Variants in LIG3 observed in about 807,000 individuals in gnomAD.
LIG3 encodes the protein ligase II, DNA, ATP-dependent.
LIG3 carries 58 observed loss-of-function variants against 110.9 expected under a neutral mutation model. The ratio of observed to expected loss-of-function variants is 0.52; its 90% CI spans 0.42 to 0.65. LIG3 has a LOEUF of 0.65. Ranked by LOEUF, LIG3 falls within the 30% of genes least tolerant of loss-of-function variation. LIG3 has a pLI of 0.00. For synonymous variants in LIG3, 422 were observed against 472.8 expected (o/e 0.89, Z 1.39); for missense variants, 1,094 against 1,273.8 (o/e 0.86, Z 2.15).
chr17:34,996,027 A>ATG, intron 9 of LIG3, 37 bp from the exon 10 acceptor site: 1 of 1,599,642 alleles, frequency 6.3e-7, no homozygotes, highest in Non-Finnish European at 8.5e-7. Context: ...CCCTGCTGCC[A>ATG]TGTCATCCCT....
Position 34,992,533 on chromosome 17 carries a change from C to G in LIG3, c.1296C>G (p.Ala432=), listed in dbSNP as rs745351898. ...MNSGAKHVLD[A]LDPNAYEAFK... is the part of the protein sequence containing the mutation. ...CTGTACCCCTTGGCAGGTTAGACGC[C>G]CTTGACCCCAATGCCTATGAAGCCT... Residue 432 remains alanine, a synonymous_variant, in exon 8 of 20, where the codon GCC becomes GCG. Coordinates refer to ENST00000378526, the MANE Select transcript of LIG3 (RefSeq NM_013975.4). 5 of 1,597,750 alleles carry G rather than the reference C, an allele frequency of 3.1e-6. No individual in the cohort carries two copies. In the South Asian group the frequency reaches 5.6e-5, roughly 18 times the overall value.
At chr17:34,983,586 G>A (rs2090627587) in intron 2 of LIG3, 34 bp downstream of exon 2, 1 of 1,566,690 alleles carries the variant, frequency 6.4e-7, no homozygotes, top group Non-Finnish European at 8.7e-7. Flanking sequence ...TCATCTTACT[G>A]GTGCTGAGAG....
At chr17:34,983,671 C>G (rs1420892241) in intron 2 of LIG3, 119 bp downstream of exon 2, 2 of 995,108 alleles carry the variant, frequency 2.0e-6, no homozygotes, top group African/African-American at 3.3e-5. Context: ...GGGTCTCACT[C>G]TGTTGCCTAG....
At chr17:34,983,702 T>C (rs372265675) in intron 2 of LIG3, 150 bp downstream of exon 2, 2 of 815,716 alleles carry the variant, frequency 2.5e-6, no homozygotes, top group African/African-American at 3.5e-5. Context: ...AATGTTGCAT[T>C]CGTAGCTCAC....
chr17:34,998,240 A>G lies in LIG3; in HGVS notation c.1933A>G (p.Met645Val), dbSNP rs1465441935. The G allele has an allele frequency of 1.2e-6, 2 of 1,613,412 alleles. No individual in the cohort carries two copies. The highest frequency in any genetic ancestry group is 2.2e-5 in the East Asian group (1 of 44,892). The change falls in exon 13 of 20, where the codon ATG (methionine) becomes GTG (valine). Residue 645 changes from methionine to valine, a missense_variant. Physicochemically the swap from Met to Val is conservative, Grantham distance 21. Transcript: ENST00000378526. ...RVTKALDLAD[M>V]ITRVIQEGLE... is the part of the protein sequence containing the mutation. ...TCAGAAAGCTTTGGACTTGGCTGAC[A>G]TGATAACCCGGGTGATCCAGGAGGG...
chr17:34,997,748 G>C lies in LIG3; in HGVS notation c.1834G>C (p.Glu612Gln). The C allele has an allele frequency of 6.2e-7, 1 of 1,613,926 alleles. No individual in the cohort carries two copies. The highest frequency in any genetic ancestry group is 8.5e-7 in the Non-Finnish European group (1 of 1,179,806). The change falls in exon 12 of 20, where the codon GAG becomes CAG. Residue 612 changes from glutamate (E) to glutamine (Q), a missense_variant. Physicochemically the swap from Glu to Gln is conservative, Grantham distance 29. Coordinates refer to ENST00000378526, the MANE Select transcript of LIG3 (RefSeq NM_013975.4). ...DVSLMDRPLC[E>Q]RRKFLHDNMV... ...TCCTGTTCTCCTCAGACCTCTGTGTGAGCGGCGGAAGTTTCTTCATGACAA... is the reference window on the plus strand; with the variant it reads ...TCCTGTTCTCCTCAGACCTCTGTGTCAGCGGCGGAAGTTTCTTCATGACAA...
At chr17:34,982,976 T>TC in intron 1 of LIG3, 26 bp from the exon 2 acceptor site, 1 of 1,489,172 alleles carries the variant, frequency 6.7e-7, no homozygotes, top group South Asian at 1.5e-5. Context: ...TTTTTTTTTT[T>TC]TTTGGCCTCC....
In LIG3 at chr17:34,981,262, G is replaced by A. The variant is rs542199572; in HGVS notation, c.-5+640G>A. Reference sequence around the variant, plus strand: ...CAAGTCCACTCCTTTCATTATTGGGGCCCTAGAGGTTGCTCTGTAAATTGA... The same window carrying A: ...CAAGTCCACTCCTTTCATTATTGGGACCCTAGAGGTTGCTCTGTAAATTGA... On this transcript the variant is annotated intron_variant, in intron 1 of 19. Transcript: ENST00000378526. 3.3e-5 allele frequency: 5 copies of A among 152,398 alleles called. No homozygotes were observed. In the South Asian group the frequency reaches 1.0e-3, roughly 32 times the overall value. 9.4% of individuals were successfully genotyped at this position (152,398 alleles called of 1,614,324 possible). A position where few individuals can be genotyped will look rare whatever the true frequency, so the allele number is the denominator to read the frequency against.
In LIG3 at chr17:35,005,943, ATT is replaced by A. The variant is rs34477990; in HGVS notation, c.*1447_*1448del. On this transcript the variant is annotated 3_prime_UTR_variant, in exon 20 of 20. Coordinates refer to ENST00000378526, the MANE Select transcript of LIG3 (RefSeq NM_013975.4). ...ATCAGAGAGACAAGTTTATCACAGTATTTTTTTTTTTCCTGCTGACCTATTGA... is the reference window on the plus strand; with the variant it reads ...ATCAGAGAGACAAGTTTATCACAGTATTTTTTTTTCCTGCTGACCTATTGA... The A allele has an allele frequency of 2.2e-4, 56 of 258,430 alleles. No homozygotes were observed. Among genetic ancestry groups the A allele is most frequent in the East Asian group, 3.9e-4 (4 of 10,244 alleles). 16.0% of individuals were successfully genotyped at this position (258,430 alleles called of 1,614,324 possible).
At chr17:35,003,027 T>A in intron 19 of LIG3, 1 of 1,614,200 alleles carries the variant, frequency 6.2e-7, no homozygotes, top group Non-Finnish European at 8.5e-7. Flanking sequence ...GAGGAAGAAC[T>A]GTGCCAGCAG....
In LIG3 at chr17:35,006,801, T is replaced by C. The variant is rs2090898150; in HGVS notation, c.*2295T>C. ...TAAGATCAAGGACCACTGCGCCCCC[T>C]GGCCACCCCACCGCCCCCCCCCAAC... On this transcript the variant is annotated 3_prime_UTR_variant, in exon 20 of 20. Transcript: ENST00000378526. The C allele has an allele frequency of 1.3e-5, 2 of 148,844 alleles. No individual in the cohort carries two copies. Among genetic ancestry groups the C allele is most frequent in the African/African-American group, 5.0e-5 (2 of 39,938 alleles). 9.2% of individuals were successfully genotyped at this position (148,844 alleles called of 1,614,324 possible).
chr17:35,004,639 G>A lies in LIG3; in HGVS notation c.*133G>A. ...CTCCCAAACCCACCAGTTCTCCACT[G>A]TCTCTTCTGGACCAGGAATTAGTTG... On this transcript the variant is annotated 3_prime_UTR_variant, in exon 20 of 20. Transcript: ENST00000378526. 1 of 674,616 alleles carries A rather than the reference G, an allele frequency of 1.5e-6. No individual in the cohort carries two copies. The highest frequency in any genetic ancestry group is 2.6e-6 in the Non-Finnish European group (1 of 391,702). 41.8% of individuals were successfully genotyped at this position (674,616 alleles called of 1,614,324 possible).
intron 2 of LIG3, among the ~76,000 whole-genome samples, chr17:34,985,162 A>G (rs775482781): frequency 1.2e-4 from 19 of 152,234 alleles, no homozygotes; most frequent in Admixed American, 6.5e-5. Context: ...ATATATGGCT[A>G]TATATAACAT....
chr17:34,986,079 A>G lies in LIG3; in HGVS notation c.639A>G (p.Lys213=). The part of the protein sequence containing the change: ...TTTGQVTSPV[K]GASFVTSTNP... ...CTGGCCAGGTGACTTCTCCAGTGAA[A>G]GGCGCCTCATTTGTCACCAGTACCA... Residue 213 remains lysine, a synonymous_variant, in exon 3 of 20, where the codon AAA becomes AAG. Transcript: ENST00000378526. 1 of 1,614,128 alleles carries G rather than the reference A, an allele frequency of 6.2e-7. No individual in the cohort carries two copies.
At chr17:34,984,622 C>A (rs2090636832) in intron 2 of LIG3, among the ~76,000 whole-genome samples, 1 of 151,308 alleles carries the variant, frequency 6.6e-6, no homozygotes, top group African/African-American at 2.4e-5. Context: ...TATGTGTCCA[C>A]ATTGTCATGG....
chr17:35,003,252 T>TAAAA (rs2090864120), intron 19 of LIG3: 1 of 1,191,630 alleles, frequency 8.4e-7, no homozygotes, highest in African/African-American at 1.6e-5. Flanking sequence ...AGGAGCCTTT[T>TAAAA]CCCTGTTACA....
rs749555336 is a variant in LIG3 at position 34,989,586 on chromosome 17, C to A, written c.812C>A (p.Ala271Asp). 6.2e-7 allele frequency: 1 copy of A among 1,614,126 alleles called. No homozygotes were observed. The highest frequency in any genetic ancestry group is 1.1e-5 in the South Asian group (1 of 91,088). ...CTACGGGAGTTTCGAAAGTTATGCG[C>A]CATGGTGGCCGATAATCCTAGCTAC... ...CLLREFRKLC[A>D]MVADNPSYNT... The change falls in exon 4 of 20, where the codon GCC becomes GAC. Residue 271 changes from alanine (A) to aspartate (D), a missense_variant. Ala to Asp is a moderately radical substitution (Grantham distance 126, BLOSUM62 -2). Transcript: ENST00000378526.
rs766141258 is a variant in LIG3 at position 34,989,520 on chromosome 17, T to C, written c.746T>C (p.Leu249Pro). The change falls in exon 4 of 20, where the codon CTG becomes CCG. Residue 249 changes from leucine to proline, a missense_variant. Coordinates refer to ENST00000378526, the MANE Select transcript of LIG3 (RefSeq NM_013975.4). Reference protein sequence around the residue: ...APSSPTPKRSLSSSKCDPRHK... With the variant: ...APSSPTPKRSPSSSKCDPRHK... ...TCGAGCCCCACCCCTAAGAGAAGTC[T>C]GTCTTCAAGCAAATGTGACCCCAGG... The C allele has an allele frequency of 1.5e-5, 25 of 1,614,022 alleles. No homozygotes were observed. Among genetic ancestry groups the C allele is most frequent in the Non-Finnish European group, 2.0e-5 (24 of 1,180,022 alleles).
chr17:34,996,723 TG>T (rs1037194793), intron 11 of LIG3, 70 bp downstream of exon 11: 15 of 1,337,984 alleles, frequency 1.1e-5, no homozygotes, highest in Non-Finnish European at 1.5e-5. Flanking sequence ...GTGAGGAAGA[TG>T]GGGGCTTCAG....
Sources: gnomAD v4.1 joint callset for allele counts (sites outside exome capture counted in the v4.1 genomes callset) on GRCh38, gnomAD v4.1.1 for gene constraint, MANE v1.5 for transcripts, NCBI Gene and HGNC (gene_info 2026-07-23, HGNC 2026-07-21) for gene names.